The following PSMA1 variants were observed in gnomAD, a reference collection of about 807,000 sequenced individuals.
PSMA1 encodes proteasome subunit alpha type-1.
Under a neutral mutation model 38.4 loss-of-function variants are expected in PSMA1, and 3 were observed. The observed-to-expected ratio is 0.08, with a 90% confidence interval of 0.04 to 0.20. The LOEUF (loss-of-function observed/expected upper bound fraction) is 0.20, where lower values mean the gene tolerates loss of function less well. PSMA1 is among the 10% of genes least tolerant of loss of function. The pLI, the probability that PSMA1 is intolerant of heterozygous loss-of-function variation, is 1.00. For missense variants in PSMA1, 227 were observed against 325.3 expected, an observed-to-expected ratio of 0.70 and a Z score of 2.32; for synonymous variants, 101 against 107.1, an observed-to-expected ratio of 0.94 and a Z score of 0.35.
chr11:14,636,707 C>T (rs548981555), intron 1 of PSMA1, among the ~76,000 whole-genome samples: 1 of 152,306 alleles, frequency 6.6e-6, no homozygotes, highest in South Asian at 2.1e-4. Context: ...AATTATTCCT[C>T]TAGTACTTCT....
intron 1 of PSMA1, among the ~76,000 whole-genome samples, chr11:14,623,360 A>G (rs1048723973): frequency 2.0e-5 from 3 of 152,216 alleles, no homozygotes; most frequent in Non-Finnish European, 4.4e-5. Flanking sequence ...ACATTCAAGG[A>G]TAGCCTTGAA....
chr11:14,600,687 C>T (rs944284150), intron 2 of PSMA1, among the ~76,000 whole-genome samples: 1 of 152,224 alleles, frequency 6.6e-6, no homozygotes, highest in African/African-American at 2.4e-5. Flanking sequence ...CCCCTGACCC[C>T]TTGTGCTTCC....
At chr11:14,577,684 T>C (rs376280425) in intron 2 of PSMA1, among the ~76,000 whole-genome samples, 21 of 152,292 alleles carry the variant, frequency 1.4e-4, no homozygotes, top group African/African-American at 4.8e-4. Flanking sequence ...TACAACTGTT[T>C]TACAGATGAG....
intron 2 of PSMA1, among the ~76,000 whole-genome samples, chr11:14,577,766 G>A (rs1852235818): frequency 6.6e-6 from 1 of 152,130 alleles, no homozygotes; most frequent in Non-Finnish European, 1.5e-5. Context: ...GCCAGAATTT[G>A]AACCCAGACA....
At chr11:14,520,933 A>C (rs749685223), upstream of PSMA1, among the ~76,000 whole-genome samples, 3 of 152,208 alleles carry the variant, frequency 2.0e-5, no homozygotes, top group Non-Finnish European at 2.9e-5. Context: ...GTTATCTTTC[A>C]AGGGTCTGTT....
intron 2 of PSMA1, among the ~76,000 whole-genome samples, chr11:14,547,292 C>T (rs1322230286): frequency 6.6e-6 from 1 of 152,072 alleles, no homozygotes; most frequent in Non-Finnish European, 1.5e-5. Flanking sequence ...CACTTCAGTA[C>T]TGGAAATTAG....
intron 2 of PSMA1, among the ~76,000 whole-genome samples, chr11:14,540,779 A>G (rs1204804930): frequency 6.6e-6 from 1 of 152,278 alleles, no homozygotes; most frequent in African/African-American, 2.4e-5. Context: ...TTTTGTGAAA[A>G]GAATTTTACT....
intron 1 of PSMA1, among the ~76,000 whole-genome samples, chr11:14,640,216 C>T (rs997750540): frequency 2.6e-5 from 4 of 151,968 alleles, no homozygotes; most frequent in Admixed American, 6.5e-5. Context: ...GATCAGAAGA[C>T]AGCCATCTGG....
chr11:14,617,467 G>C (rs891767434), intron 1 of PSMA1, among the ~76,000 whole-genome samples: 2 of 151,984 alleles, frequency 1.3e-5, no homozygotes, highest in Non-Finnish European at 2.9e-5. Context: ...CCAGTGACTG[G>C]CACAGGGTAA....
At chr11:14,516,513 C>T (rs900299417) in intron 4 of PSMA1, among the ~76,000 whole-genome samples, 1 of 152,210 alleles carries the variant, frequency 6.6e-6, no homozygotes, top group Non-Finnish European at 1.5e-5. Context: ...TCTTTCTTTC[C>T]TAATCAAATC....
intron 1 of PSMA1, among the ~76,000 whole-genome samples, chr11:14,634,449 GA>G (rs1853085761): frequency 6.6e-6 from 1 of 151,572 alleles, no homozygotes; most frequent in South Asian, 2.1e-4. Flanking sequence ...AATGAAAGGG[GA>G]TATGTTTTTT....
At chr11:14,546,860 C>T (rs978653358) in intron 2 of PSMA1, among the ~76,000 whole-genome samples, 1 of 152,190 alleles carries the variant, frequency 6.6e-6, no homozygotes, top group Non-Finnish European at 1.5e-5. Context: ...TGGGAGTAAC[C>T]TAGCTCAAAC....
chr11:14,542,518 A>G (rs147872125), intron 2 of PSMA1, among the ~76,000 whole-genome samples: 1 of 152,310 alleles, frequency 6.6e-6, no homozygotes, highest in Non-Finnish European at 1.5e-5. Context: ...CTACCCCCTA[A>G]AACATTTCAC....
upstream of PSMA1, among the ~76,000 whole-genome samples, chr11:14,522,896 A>T (rs776253954): frequency 3.9e-5 from 6 of 152,178 alleles, no homozygotes; most frequent in Non-Finnish European, 8.8e-5. Flanking sequence ...TCCAAACATA[A>T]TTTTTTGACT....
At chr11:14,566,857 A>C (rs1852078315) in intron 2 of PSMA1, among the ~76,000 whole-genome samples, 1 of 152,192 alleles carries the variant, frequency 6.6e-6, no homozygotes, top group Non-Finnish European at 1.5e-5. Flanking sequence ...AGACAAATCA[A>C]ACCCTCAGGA....
chr11:14,581,985 G>A (rs779837677), intron 2 of PSMA1, among the ~76,000 whole-genome samples: 23 of 152,142 alleles, frequency 1.5e-4, no homozygotes, highest in Non-Finnish European at 2.9e-4. Flanking sequence ...ATTGGATCAC[G>A]TACTTATTCC....
chr11:14,630,443 C>G (rs949467003), intron 1 of PSMA1, among the ~76,000 whole-genome samples: 1 of 152,062 alleles, frequency 6.6e-6, no homozygotes, highest in Admixed American at 6.6e-5. Context: ...TTGTCTTTGG[C>G]TCTGTTTATA....
intron 2 of PSMA1, among the ~76,000 whole-genome samples, chr11:14,584,512 T>G (rs2278805): frequency 0.31 from 44,636 of 145,440 alleles, 7,423 homozygotes; most frequent in South Asian, 0.42. Context: ...TTTTTGTTTT[T>G]TTTTTTTTTT....
intron 1 of PSMA1, among the ~76,000 whole-genome samples, chr11:14,631,070 G>A (rs911774880): frequency 6.6e-6 from 1 of 151,468 alleles, no homozygotes; most frequent in African/African-American, 2.4e-5. Flanking sequence ...TTCTTTATTA[G>A]TCTTGCTAGC....
Sources: gnomAD v4.1 joint callset for allele counts (sites outside exome capture counted in the v4.1 genomes callset) on GRCh38, gnomAD v4.1.1 for gene constraint, MANE v1.5 for transcripts, NCBI Gene and HGNC (gene_info 2026-07-23, HGNC 2026-07-21) for gene names.